The following STK32A variants were observed in gnomAD, a reference collection of about 807,000 sequenced individuals.
STK32A encodes the protein serine/threonine-protein kinase 32A.
A neutral mutation model predicts 53.2 loss-of-function variants in STK32A; 41 were observed. The ratio of observed to expected loss-of-function variants is 0.77; its 90% CI spans 0.60 to 1.00. The LOEUF (loss-of-function observed/expected upper bound fraction) is 1.00, where lower values mean the gene tolerates loss of function less well. Among genes scored for constraint, STK32A ranks in the 50% least tolerant of loss-of-function variants. The probability of loss-of-function intolerance (pLI) is 0.00; values close to 1 mark genes in which losing one functional copy is unlikely to be tolerated. For synonymous variants in STK32A, 166 were observed against 162.8 expected (o/e 1.02, Z -0.15); for missense variants, 458 against 485.8 (o/e 0.94, Z 0.54).
chr5:147,383,168 C>T (rs1757519591), intron 11 of STK32A: 3 of 435,426 alleles, frequency 6.9e-6, no homozygotes, highest in Non-Finnish European at 1.2e-5. Flanking sequence ...CTGAAAGTTG[C>T]AAGCTTTCAA....
At chr5:147,295,781 T>C (rs1470122639) in intron 4 of STK32A, among the ~76,000 whole-genome samples, 1 of 152,178 alleles carries the variant, frequency 6.6e-6, no homozygotes, top group Non-Finnish European at 1.5e-5. Context: ...CCCTAAACAA[T>C]TGTTAGCTAG....
At chr5:147,373,799 C>G (rs763912796) in intron 10 of STK32A, among the ~76,000 whole-genome samples, 8 of 152,116 alleles carry the variant, frequency 5.3e-5, no homozygotes, top group African/African-American at 1.9e-4. Flanking sequence ...ACATATAATT[C>G]CCATTGGATG....
chr5:147,345,968 C>A (rs1755665655), intron 6 of STK32A, among the ~76,000 whole-genome samples: 1 of 152,106 alleles, frequency 6.6e-6, no homozygotes, highest in Non-Finnish European at 1.5e-5. Context: ...AGACTGAGAG[C>A]CATTTTCTAA....
intron 2 of STK32A, among the ~76,000 whole-genome samples, chr5:147,241,960 G>A (rs1753598711): frequency 6.6e-6 from 1 of 152,180 alleles, no homozygotes; most frequent in South Asian, 2.1e-4. Context: ...CCTTGATTCA[G>A]CCAGGCTTTG....
intron 4 of STK32A, among the ~76,000 whole-genome samples, chr5:147,306,283 C>T (rs1481921555): frequency 6.6e-6 from 1 of 151,992 alleles, no homozygotes; most frequent in African/African-American, 2.4e-5. Flanking sequence ...TTTTAACCAT[C>T]TTTCTATCGG....
At chr5:147,392,847 T>C (rs1462808671), downstream of STK32A, 1 of 152,236 alleles carries the variant, frequency 6.6e-6, no homozygotes, top group Non-Finnish European at 1.5e-5. Flanking sequence ...GTCCACAAAA[T>C]GTGCTCCCTC....
rs146573359 is a variant in STK32A, at chr5:147,332,390, G to A, written c.434+8319G>A. The stretch of plus-strand genomic sequence containing the variant: ...CCACTTCTCCTGTCCAAGGTGTGTT[G>A]TTTTGCTTTTATATATCTATTAGGA... On this transcript the variant is annotated intron_variant, in intron 5 of 12. Transcript: ENST00000397936. Among the ~76,000 whole-genome samples the A allele has an allele frequency of 4.7e-3, 702 of 150,618 alleles. 11 individuals are homozygous for A. Among genetic ancestry groups the A allele is most frequent in the African/African-American group, 0.016 (645 of 41,018 alleles).
At chr5:147,278,944 C>G (rs76672033) in intron 3 of STK32A, among the ~76,000 whole-genome samples, 1,963 of 152,214 alleles carry the variant, frequency 0.013, 56 homozygotes, top group African/African-American at 0.044. Flanking sequence ...AAGGATGTTA[C>G]TTGTTATTGG....
chr5:147,351,060 T>G lies in STK32A; in HGVS notation c.473-5T>G, dbSNP rs1168316985. On this transcript the variant is annotated splice_polypyrimidine_tract_variant and splice_region_variant and intron_variant, in intron 6 of 12. Transcript: ENST00000397936. Reference sequence around the variant, plus strand: ...ACTTTCTGTGTGGTTCTTCTCTCTCTGCAGGGCACGTGCACATCACAGATT... The same window carrying G: ...ACTTTCTGTGTGGTTCTTCTCTCTCGGCAGGGCACGTGCACATCACAGATT... 1.2e-6 allele frequency: 2 copies of G among 1,613,544 alleles called. No homozygotes were observed.
At chr5:147,328,619 A>G (rs151069061) in intron 5 of STK32A, among the ~76,000 whole-genome samples, 8 of 152,280 alleles carry the variant, frequency 5.3e-5, no homozygotes, top group African/African-American at 1.4e-4. Flanking sequence ...GAAGTATAAT[A>G]TTCTCTTTTG....
At chr5:147,294,636 C>T (rs1752776648) in intron 4 of STK32A, among the ~76,000 whole-genome samples, 2 of 151,920 alleles carry the variant, frequency 1.3e-5, no homozygotes, top group South Asian at 4.2e-4. Context: ...CTTTATATAC[C>T]TTATGTATAG....
chr5:147,250,941 C>CAA (rs71001422), intron 2 of STK32A, among the ~76,000 whole-genome samples: 5 of 101,140 alleles, frequency 4.9e-5, no homozygotes, highest in Non-Finnish European at 9.8e-5. Flanking sequence ...GACTCCATCT[C>CAA]AAAAAAAAAA....
chr5:147,372,994 T>C (rs1191819368), intron 9 of STK32A, among the ~76,000 whole-genome samples, 175 bp from the exon 10 acceptor site: 1 of 152,164 alleles, frequency 6.6e-6, no homozygotes, highest in Non-Finnish European at 1.5e-5. Context: ...TGCAGAATCC[T>C]ACATACTGTT....
At chr5:147,354,199 T>C (rs982824103) in intron 7 of STK32A, among the ~76,000 whole-genome samples, 2 of 152,214 alleles carry the variant, frequency 1.3e-5, no homozygotes, top group Non-Finnish European at 2.9e-5. Flanking sequence ...TGGACATATA[T>C]AATTCAGCCT....
At chr5:147,392,960 T>G in the STK32A span, 2 of 152,210 alleles carry the variant, frequency 1.3e-5, no homozygotes, top group Non-Finnish European at 2.9e-5. Context: ...TAAAACCAAC[T>G]TTCAAAAACT....
chr5:147,316,948 C>G (rs1754025020), intron 4 of STK32A, among the ~76,000 whole-genome samples: 3 of 148,396 alleles, frequency 2.0e-5, no homozygotes, highest in Admixed American at 1.4e-4. Context: ...TTGATTAAAG[C>G]AAGTTTCTCT....
At chr5:147,332,361 T>TA (rs1754912397) in intron 5 of STK32A, among the ~76,000 whole-genome samples, 4 of 151,330 alleles carry the variant, frequency 2.6e-5, no homozygotes, top group Admixed American at 2.6e-4. Flanking sequence ...TTTTTTTTTT[T>TA]ATACCACTTC....
rs750961357 is a variant in STK32A, at chr5:147,384,008, C to T, written c.*25C>T. 1 of 1,589,164 alleles carries T rather than the reference C, an allele frequency of 6.3e-7. No homozygotes were observed. The highest frequency in any genetic ancestry group is 8.5e-7 in the Non-Finnish European group (1 of 1,172,098). On this transcript the variant is annotated 3_prime_UTR_variant, in exon 13 of 13. Transcript: ENST00000397936. ...AAGGCCTCATGTCTTCTTCTTGGGA[C>T]AATCTCATGCCAGAAACTTCTAATT...
At chr5:147,244,585 A>T (rs759612180) in intron 2 of STK32A, among the ~76,000 whole-genome samples, 1 of 152,210 alleles carries the variant, frequency 6.6e-6, no homozygotes, top group South Asian at 2.1e-4. Context: ...ACATGTTTCT[A>T]TGAGAAGAGT....
Sources: gnomAD v4.1 joint callset for allele counts (sites outside exome capture counted in the v4.1 genomes callset) on GRCh38, gnomAD v4.1.1 for gene constraint, MANE v1.5 for transcripts, NCBI Gene and HGNC (gene_info 2026-07-23, HGNC 2026-07-21) for gene names.